The following FILIP1 variants were observed in gnomAD, a reference collection of about 807,000 sequenced individuals.
FILIP1 encodes the protein filamin-A-interacting protein 1.
In FILIP1, 61 loss-of-function variants were observed where a neutral mutation model predicts 102.1. That is an observed-to-expected ratio of 0.60 (90% CI 0.49 to 0.74). The LOEUF (loss-of-function observed/expected upper bound fraction) is 0.74. Ranked by LOEUF, FILIP1 falls within the 30% of genes least tolerant of loss-of-function variation. FILIP1 has a pLI of 0.00. For missense variants in FILIP1, 1,314 were observed against 1,441.2 expected (o/e 0.91, Z 1.43); for synonymous variants, 491 against 526.9 (o/e 0.93, Z 0.93).
At chr6:75,490,597 T>C (rs1055700433) in intron 1 of FILIP1, among the ~76,000 whole-genome samples, 1 of 151,860 alleles carries the variant, frequency 6.6e-6, no homozygotes, top group Non-Finnish European at 1.5e-5. Flanking sequence ...CAAAAGTATA[T>C]AAGTTACAGT....
At chr6:75,431,025 G>C (rs1409211996) in intron 1 of FILIP1, among the ~76,000 whole-genome samples, 1 of 152,190 alleles carries the variant, frequency 6.6e-6, no homozygotes, top group Non-Finnish European at 1.5e-5. Context: ...CAGGAAAGTT[G>C]CATGTTATAA....
chr6:75,411,930 T>C (rs929562139), intron 2 of FILIP1, among the ~76,000 whole-genome samples: 3 of 152,120 alleles, frequency 2.0e-5, no homozygotes, highest in Admixed American at 2.0e-4. Context: ...GAATTTAGAG[T>C]AGTTTTTTCT....
intron 1 of FILIP1, among the ~76,000 whole-genome samples, chr6:75,479,158 A>AT (rs1427152766): frequency 6.6e-6 from 1 of 152,202 alleles, no homozygotes; most frequent in Non-Finnish European, 1.5e-5. Flanking sequence ...GTTTTTTCAT[A>AT]TAAGAGTCTC....
intron 2 of FILIP1, among the ~76,000 whole-genome samples, chr6:75,406,826 ATT>A (rs1234867255): frequency 6.6e-6 from 1 of 151,696 alleles, no homozygotes; most frequent in Admixed American, 6.6e-5. Flanking sequence ...CATCCAGCTA[ATT>A]TTTGTATTTT....
intron 1 of FILIP1, among the ~76,000 whole-genome samples, chr6:75,436,701 C>G (rs1201077921): frequency 6.6e-6 from 1 of 152,132 alleles, no homozygotes; most frequent in East Asian, 1.9e-4. Flanking sequence ...TTTTGGGTTG[C>G]CAATTTGTGC....
intron 1 of FILIP1, among the ~76,000 whole-genome samples, chr6:75,467,429 T>A (rs1779199834): frequency 6.6e-6 from 1 of 152,178 alleles, no homozygotes; most frequent in Admixed American, 6.5e-5. Flanking sequence ...TCTCAGTTGC[T>A]CTCTGACAGA....
chr6:75,312,580 T>G lies in FILIP1; in HGVS notation c.3252A>C (p.Glu1084Asp), dbSNP rs756716893. 2 of 1,614,242 alleles carry G rather than the reference T, an allele frequency of 1.2e-6. No homozygotes were observed. The highest frequency in any genetic ancestry group is 2.2e-5 in the South Asian group (2 of 91,084). The change falls in exon 5 of 6, where the codon GAA becomes GAC. Residue 1084 changes from glutamate (E) to aspartate (D), a missense_variant. Physicochemically the swap from Glu to Asp is conservative, Grantham distance 45 (BLOSUM62 2). Transcript: ENST00000237172. ...QFKRSPGTSG[E>D]GVSPVITVRP... The stretch of plus-strand genomic sequence containing the variant: ...GGACAGTAATAACTGGACTGACTCC[T>G]TCACCTGAAGTCCCAGGGGACCGTT...
rs76706262 is a variant in FILIP1, at chr6:75,367,159, A to G, written c.277-4242T>C. 7.1e-3 allele frequency among the ~76,000 whole-genome samples: 1,085 copies of G among 152,168 alleles called. 34 individuals carry two copies. The East Asian group carries it at 0.11, about 15-fold the overall frequency. ...CTATTCCTTTCCTCCCCCGAAATAC[A>G]CTTTTGCTTGAACTGTATTAATTGT... is the stretch of plus-strand genomic sequence containing the variant. On this transcript the variant is annotated intron_variant, in intron 2 of 5. Coordinates refer to ENST00000237172, the MANE Select transcript of FILIP1 (RefSeq NM_015687.5).
At chr6:75,353,249 A>T (rs989546625) in intron 4 of FILIP1, among the ~76,000 whole-genome samples, 10 of 152,188 alleles carry the variant, frequency 6.6e-5, no homozygotes, top group Admixed American at 2.6e-4. Flanking sequence ...ATAAAAAAAT[A>T]AAAAAATAAA....
chr6:75,346,840 A>G (rs1370217658), intron 4 of FILIP1, among the ~76,000 whole-genome samples: 2 of 152,208 alleles, frequency 1.3e-5, no homozygotes, highest in African/African-American at 4.8e-5. Flanking sequence ...GTAAGAGGAA[A>G]TGGAAGGTGG....
chr6:75,390,512 C>G (rs1036643543), intron 2 of FILIP1, among the ~76,000 whole-genome samples: 2 of 152,040 alleles, frequency 1.3e-5, no homozygotes, highest in Non-Finnish European at 2.9e-5. Context: ...TGGCAGAAAG[C>G]AAAGAGGGAG....
intron 4 of FILIP1, among the ~76,000 whole-genome samples, chr6:75,341,687 T>G (rs1324590722): frequency 6.6e-6 from 1 of 152,200 alleles, no homozygotes. Context: ...GCTTATTGAT[T>G]TCATGTAATT....
At chr6:75,426,579 T>C (rs1294145829) in intron 1 of FILIP1, among the ~76,000 whole-genome samples, 1 of 151,400 alleles carries the variant, frequency 6.6e-6, no homozygotes, top group Non-Finnish European at 1.5e-5. Flanking sequence ...AACAGGAGAG[T>C]CACCAAGGCA....
chr6:75,352,876 G>C (rs1774858259), intron 4 of FILIP1, among the ~76,000 whole-genome samples: 1 of 150,068 alleles, frequency 6.7e-6, no homozygotes, highest in South Asian at 2.1e-4. Context: ...ACATTTAAAT[G>C]TAAGTGCTTC....
At chr6:75,417,574 T>G (rs1043720464) in intron 1 of FILIP1, among the ~76,000 whole-genome samples, 14 of 152,230 alleles carry the variant, frequency 9.2e-5, no homozygotes, top group African/African-American at 3.4e-4. Context: ...ATACTCTTCA[T>G]ATTTTTAATA....
intron 1 of FILIP1, among the ~76,000 whole-genome samples, chr6:75,483,711 T>C (rs1484788069): frequency 1.3e-5 from 2 of 152,152 alleles, no homozygotes; most frequent in Admixed American, 1.3e-4. Flanking sequence ...AAGGTCACCA[T>C]AACCAGCTGC....
In FILIP1 at chr6:75,313,022, GAAA is replaced by G. The variant is rs752763988; in HGVS notation, c.2807_2809del (p.Phe936del). ...TAAGGTAGGAATGACAGTGGTACTA[GAAA>G]AAAATTCTTCAGATGTCGGGCTTGT... is the stretch of plus-strand genomic sequence containing the variant. On this transcript the variant is annotated inframe_deletion, in exon 5 of 6. Transcript: ENST00000237172. The surrounding 1 kb of genome is among the most constrained non-coding windows in gnomAD (Gnocchi z 4.2). 3.1e-6 allele frequency: 5 copies of G among 1,614,166 alleles called. No homozygotes were observed. In the East Asian group the frequency reaches 1.1e-4, roughly 36 times the overall value.
rs1368457241 is a variant in FILIP1 at position 75,313,537 on chromosome 6, C to T, written c.2295G>A (p.Met765Ile). Residue 765 changes from methionine (M) to isoleucine (I), a missense_variant, in exon 5 of 6, where the codon ATG (methionine) becomes ATA (isoleucine). Physicochemically the swap from Met to Ile is conservative, Grantham distance 10 (BLOSUM62 1). Coordinates refer to ENST00000237172, the MANE Select transcript of FILIP1 (RefSeq NM_015687.5). The surrounding 1 kb of genome is among the most constrained non-coding windows in gnomAD (Gnocchi z 4.2). ...FMEEENKNKNMGQEVLNLTKE... is the reference protein window; with the variant it reads ...FMEEENKNKNIGQEVLNLTKE... ...TGGTCAGATTGAGAACCTCCTGCCC[C>T]ATGTTTTTGTTCTTATTTTCTTCTT... 1 of 1,614,084 alleles carries T rather than the reference C, an allele frequency of 6.2e-7. No homozygotes were observed. Among genetic ancestry groups the T allele is most frequent in the Non-Finnish European group, 8.5e-7 (1 of 1,180,052 alleles).
rs531383781 is a variant in FILIP1, at chr6:75,473,981, A to G, written c.-7+19433T>C. On this transcript the variant is annotated intron_variant, in intron 1 of 5. Coordinates refer to ENST00000237172, the MANE Select transcript of FILIP1 (RefSeq NM_015687.5). ...ATCTTACTAAATTTTGAGTTTAAAT[A>G]GAGTATTTCTTATCTATTTGGCCAT... 12 of 152,344 alleles carry G rather than the reference A, an allele frequency of 7.9e-5. No homozygotes were observed. The South Asian group carries it at 1.7e-3, about 21-fold the overall frequency. The allele number at this position is 152,344 out of a possible 1,614,324, so 9.4% of individuals were successfully genotyped here. A position where few individuals can be genotyped will look rare whatever the true frequency, so the allele number is the denominator to read the frequency against.
Sources: gnomAD v4.1 joint callset for allele counts (sites outside exome capture counted in the v4.1 genomes callset) on GRCh38, gnomAD v4.1.1 for gene constraint, Gnocchi (gnomAD v3.1) non-coding constraint, MANE v1.5 for transcripts, NCBI Gene and HGNC (gene_info 2026-07-23, HGNC 2026-07-21) for gene names.